The following KCNH7 variants were observed in gnomAD, a reference collection of about 807,000 sequenced individuals.
KCNH7 encodes potassium voltage-gated channel subfamily H member 7, also known as voltage-gated inwardly rectifying potassium channel KCNH7.
In KCNH7, 49 loss-of-function variants were observed where a neutral mutation model predicts 120.8. The ratio of observed to expected loss-of-function variants is 0.41; its 90% CI spans 0.32 to 0.51. KCNH7 has a LOEUF of 0.51. Among genes scored for constraint, KCNH7 ranks in the 20% least tolerant of loss-of-function variants. The pLI, the probability that KCNH7 is intolerant of heterozygous loss-of-function variation, is 0.38. For synonymous variants in KCNH7, 547 were observed against 516.1 expected (o/e 1.06, Z -0.81); for missense variants, 1,097 against 1,446.6 (o/e 0.76, Z 3.92).
At chr2:162,683,313 G>A (rs887239338) in intron 2 of KCNH7, among the ~76,000 whole-genome samples, 1 of 151,788 alleles carries the variant, frequency 6.6e-6, no homozygotes, top group African/African-American at 2.4e-5. Flanking sequence ...AGAGGGTTTA[G>A]ATATTTTTAA....
At chr2:162,412,988 C>T (rs1402426839) in intron 9 of KCNH7, among the ~76,000 whole-genome samples, 1 of 152,044 alleles carries the variant, frequency 6.6e-6, no homozygotes, top group Non-Finnish European at 1.5e-5. Context: ...TAAGTTGTAA[C>T]TGAATTTAAA....
At chr2:162,489,864 A>G (rs1438320103) in intron 6 of KCNH7, among the ~76,000 whole-genome samples, 1 of 152,236 alleles carries the variant, frequency 6.6e-6, no homozygotes, top group Non-Finnish European at 1.5e-5. Context: ...AGCAAAATTA[A>G]TGTTCTATTA....
chr2:162,550,573 C>T (rs1029806068), intron 2 of KCNH7, among the ~76,000 whole-genome samples: 1 of 152,110 alleles, frequency 6.6e-6, no homozygotes, highest in African/African-American at 2.4e-5. Context: ...CATTCTGCTG[C>T]TTGCCCCTGG....
intron 2 of KCNH7, among the ~76,000 whole-genome samples, chr2:162,772,506 T>C (rs549384691): frequency 9.2e-4 from 140 of 152,328 alleles, no homozygotes; most frequent in Non-Finnish European, 1.6e-3. Context: ...TTCAGTATTG[T>C]ACATTTTCTC....
In KCNH7 at chr2:162,471,773, C is replaced by T. The variant is rs548082835; in HGVS notation, c.1129-25330G>A. On this transcript the variant is annotated intron_variant, in intron 6 of 15. Transcript: ENST00000332142. ...ATATGGAACCAAAAAAGAGCCTGCA[C>T]TGCCAAGTCAATCCTAAGCCAAAAG... 3.6e-4 allele frequency among the ~76,000 whole-genome samples: 55 copies of T among 152,212 alleles called. No individual in the cohort carries two copies. The South Asian group carries it at 6.2e-3, about 17-fold the overall frequency.
At chr2:162,514,528 A>G (rs1242639146) in intron 4 of KCNH7, among the ~76,000 whole-genome samples, 1 of 151,782 alleles carries the variant, frequency 6.6e-6, no homozygotes, top group East Asian at 2.0e-4. Flanking sequence ...GTCTTAGCTG[A>G]GATCTGCTTG....
chr2:162,416,713 C>T (rs1687551219), intron 9 of KCNH7, among the ~76,000 whole-genome samples: 1 of 152,044 alleles, frequency 6.6e-6, no homozygotes, highest in Non-Finnish European at 1.5e-5. Flanking sequence ...AATGATTCAG[C>T]ATAGCTCTGG....
At chr2:162,598,054 T>G (rs1694436056) in intron 2 of KCNH7, among the ~76,000 whole-genome samples, 1 of 152,096 alleles carries the variant, frequency 6.6e-6, no homozygotes, top group Admixed American at 6.6e-5. Context: ...TACCTGCATT[T>G]ATACTCTTGT....
intron 2 of KCNH7, among the ~76,000 whole-genome samples, chr2:162,807,256 CAAAAAA>C (rs745345993): frequency 6.4e-5 from 1 of 15,628 alleles, no homozygotes; most frequent in Non-Finnish European, 1.7e-4. Flanking sequence ...ACTAAAAATA[CAAAAAA>C]AAAAAAAAAA....
chr2:162,582,433 C>A (rs528901709), intron 2 of KCNH7, among the ~76,000 whole-genome samples: 2 of 152,202 alleles, frequency 1.3e-5, no homozygotes, highest in Non-Finnish European at 2.9e-5. Flanking sequence ...TTAGAACTGG[C>A]AGAAAGTTTC....
intron 6 of KCNH7, among the ~76,000 whole-genome samples, chr2:162,472,051 C>A (rs576695302): frequency 2.2e-4 from 33 of 152,176 alleles, no homozygotes; most frequent in Non-Finnish European, 4.3e-4. Flanking sequence ...AAAGCTGAAA[C>A]TGGATCCCTT....
intron 2 of KCNH7, among the ~76,000 whole-genome samples, chr2:162,669,491 C>T (rs1435015): frequency 0.17 from 25,370 of 152,060 alleles, 2,440 homozygotes; most frequent in East Asian, 0.46. Flanking sequence ...GTGTACAACT[C>T]TTCGGAAAGG....
intron 2 of KCNH7, among the ~76,000 whole-genome samples, chr2:162,724,319 G>T (rs116500563): frequency 1.3e-5 from 2 of 152,098 alleles, no homozygotes; most frequent in African/African-American, 4.8e-5. Context: ...CTATGATAAA[G>T]TTGAATTTAT....
rs2105521822 is a variant in KCNH7 at position 162,435,425 on chromosome 2, A to G, written c.1727T>C (p.Val576Ala). 1 of 1,613,812 alleles carries G rather than the reference A, an allele frequency of 6.2e-7. No homozygotes were observed. Among genetic ancestry groups the G allele is most frequent in the African/African-American group, 1.3e-5 (1 of 75,024 alleles). Residue 576 changes from valine (V) to alanine (A), a missense_variant, in exon 8 of 16, where the codon GTA becomes GCA. Val to Ala is a moderately conservative substitution (Grantham distance 64). Around this residue, in one of 8 missense-constraint regions of KCNH7, gnomAD observed 36 missense variants for 46.8 expected, o/e 0.77. Coordinates refer to ENST00000332142, the MANE Select transcript of KCNH7 (RefSeq NM_033272.4). Reference protein sequence around the residue: ...LACIWYAIGNVERPYLTDKIG... With the variant: ...LACIWYAIGNAERPYLTDKIG... ...TTTGTCAGTCAGGTAAGGCCTTTCTACATTCCCAATCGCATACCAAATGCA... is the reference window on the plus strand; with the variant it reads ...TTTGTCAGTCAGGTAAGGCCTTTCTGCATTCCCAATCGCATACCAAATGCA...
intron 2 of KCNH7, among the ~76,000 whole-genome samples, chr2:162,639,278 T>C (rs2105233267): frequency 6.6e-6 from 1 of 152,330 alleles, no homozygotes; most frequent in East Asian, 1.9e-4. Context: ...TAGCATTATC[T>C]CATTCAATCC....
intron 2 of KCNH7, among the ~76,000 whole-genome samples, chr2:162,563,641 C>A (rs1447900569): frequency 6.6e-6 from 1 of 152,074 alleles, no homozygotes; most frequent in African/African-American, 2.4e-5. Flanking sequence ...GAAGTGAAAA[C>A]TGAGCTCAAA....
chr2:162,577,331 G>A (rs4664477), intron 2 of KCNH7, among the ~76,000 whole-genome samples: 64,369 of 119,912 alleles, frequency 0.54, 14,944 homozygotes, highest in African/African-American at 0.66. Context: ...CTATCTATCT[G>A]TCTATCATCT....
chr2:162,622,454 A>G (rs1235776944), intron 2 of KCNH7, among the ~76,000 whole-genome samples: 1 of 152,184 alleles, frequency 6.6e-6, no homozygotes, highest in Non-Finnish European at 1.5e-5. Context: ...AGGTCCTTCA[A>G]GGCTGGCAGT....
chr2:162,661,898 T>A (rs1192580345), intron 2 of KCNH7, among the ~76,000 whole-genome samples: 2 of 152,158 alleles, frequency 1.3e-5, no homozygotes, highest in Non-Finnish European at 2.9e-5. Context: ...TTATTTTTTA[T>A]TTTTTGTTTT....
Sources: gnomAD v4.1 joint callset for allele counts (sites outside exome capture counted in the v4.1 genomes callset) on GRCh38, gnomAD v4.1.1 for gene constraint, gnomAD v4.1.1 regional missense constraint, MANE v1.5 for transcripts, NCBI Gene and HGNC (gene_info 2026-07-23, HGNC 2026-07-21) for gene names.